HECW2: variants seen among roughly 807,000 people sequenced by gnomAD.
HECW2 encodes the protein E3 ubiquitin-protein ligase HECW2.
HECW2 carries 61 observed loss-of-function variants against 175.2 expected under a neutral mutation model. That is an observed-to-expected ratio of 0.35 (90% CI 0.28 to 0.43). The LOEUF is 0.43. Ranked by LOEUF, HECW2 falls within the 20% of genes least tolerant of loss-of-function variation. The probability of loss-of-function intolerance (pLI) is 1.00; values close to 1 mark genes in which losing one functional copy is unlikely to be tolerated. For missense variants in HECW2, 1,524 were observed against 2,000.5 expected (o/e 0.76, Z 4.54); for synonymous variants, 671 against 731.0 (o/e 0.92, Z 1.32).
At chr2:196,245,995 A>G (rs945181286) in intron 19 of HECW2, among the ~76,000 whole-genome samples, 3 of 152,226 alleles carry the variant, frequency 2.0e-5, no homozygotes, top group African/African-American at 7.2e-5. Context: ...AGATGATTCC[A>G]ATGTGTAATG....
At chr2:196,373,801 G>A (rs1693971171) in intron 2 of HECW2, among the ~76,000 whole-genome samples, 1 of 152,038 alleles carries the variant, frequency 6.6e-6, no homozygotes, top group Non-Finnish European at 1.5e-5. Flanking sequence ...GGGAAGCCGA[G>A]GCGGGCAGAT....
intron 13 of HECW2, among the ~76,000 whole-genome samples, chr2:196,303,523 A>G (rs959851204): frequency 6.6e-6 from 1 of 152,188 alleles, no homozygotes; most frequent in Non-Finnish European, 1.5e-5. Context: ...TTCAGCTGTC[A>G]ATCCATCTGA....
intron 13 of HECW2, among the ~76,000 whole-genome samples, chr2:196,301,045 C>T (rs1691031328): frequency 1.3e-5 from 2 of 151,298 alleles, no homozygotes; most frequent in South Asian, 4.2e-4. Flanking sequence ...CCACCCCCGA[C>T]AGGCACCAGT....
intron 1 of HECW2, among the ~76,000 whole-genome samples, chr2:196,482,942 C>G (rs1403159832): frequency 1.3e-5 from 2 of 152,136 alleles, no homozygotes; most frequent in Admixed American, 1.3e-4. Context: ...TGACACAACT[C>G]TAACATGCAA....
chr2:196,424,316 A>G (rs1346187595), intron 2 of HECW2, among the ~76,000 whole-genome samples: 1 of 152,064 alleles, frequency 6.6e-6, no homozygotes, highest in African/African-American at 2.4e-5. Flanking sequence ...ACAATATTGA[A>G]ATTAGGCCAA....
chr2:196,521,393 G>A (rs1187344488), intron 1 of HECW2, among the ~76,000 whole-genome samples: 6 of 150,068 alleles, frequency 4.0e-5, no homozygotes, highest in East Asian at 2.0e-4. Flanking sequence ...TAAAAAATTT[G>A]CTTCCCAATT....
At chr2:196,317,000 C>G in intron 10 of HECW2, 2 of 384,394 alleles carry the variant, frequency 5.2e-6, no homozygotes, top group Non-Finnish European at 9.6e-6. Flanking sequence ...CTATTATGCA[C>G]CCAATTTCCC....
chr2:196,281,239 G>A (rs964056929), intron 14 of HECW2, among the ~76,000 whole-genome samples: 1 of 35,266 alleles, frequency 2.8e-5, no homozygotes, highest in African/African-American at 6.4e-5. Flanking sequence ...TTTTAGGGCT[G>A]TGCCTGGGAG....
chr2:196,280,573 A>T (rs1039943686), intron 14 of HECW2, among the ~76,000 whole-genome samples: 1 of 152,222 alleles, frequency 6.6e-6, no homozygotes, highest in Non-Finnish European at 1.5e-5. Context: ...GTACAAAAAA[A>T]TAAAGGTTTT....
chr2:196,212,689 A>G (rs1687335372), intron 28 of HECW2, among the ~76,000 whole-genome samples: 1 of 152,150 alleles, frequency 6.6e-6, no homozygotes, highest in Non-Finnish European at 1.5e-5. Flanking sequence ...TGAATGATTT[A>G]TATTCTCTTG....
intron 26 of HECW2, among the ~76,000 whole-genome samples, chr2:196,219,770 A>C (rs970299765): frequency 2.0e-5 from 3 of 152,204 alleles, no homozygotes; most frequent in Non-Finnish European, 4.4e-5. Context: ...AAAGTAATTA[A>C]TTAGTGTTCT....
At chr2:196,233,071 G>T (rs1040720267) in intron 21 of HECW2, among the ~76,000 whole-genome samples, 2 of 152,194 alleles carry the variant, frequency 1.3e-5, no homozygotes, top group African/African-American at 4.8e-5. Context: ...GGTACATCAT[G>T]CCTTTGCTTC....
intron 24 of HECW2, among the ~76,000 whole-genome samples, chr2:196,221,345 CT>C (rs1421980137): frequency 6.6e-6 from 1 of 152,192 alleles, no homozygotes; most frequent in East Asian, 1.9e-4. Flanking sequence ...AAATTGAGAA[CT>C]TTTTCAAAAC....
rs767899851 is a variant in HECW2, at chr2:196,240,578, C to A, written c.3651-16G>T. On this transcript the variant is annotated splice_polypyrimidine_tract_variant and intron_variant, in intron 20 of 28. Coordinates refer to ENST00000644978, the MANE Select transcript of HECW2 (RefSeq NM_001348768.2). ...GATAATTAACCTGTCCATAAAGAGA[C>A]AATTTAGAAAATACAAATTATTACT... The A allele has an allele frequency of 2.2e-5, 34 of 1,566,492 alleles. No homozygotes were observed. The Admixed American group carries it at 4.2e-4, about 19-fold the overall frequency.
In HECW2 at chr2:196,222,268, A is replaced by G; in HGVS notation, c.4089T>C (p.Asn1363=). Reference sequence around the variant, plus strand: ...TGAGGTCTAGGATGTCATGGATATCATTGTCTTTCATCCACTGCAGGCTCT... The same window carrying G: ...TGAGGTCTAGGATGTCATGGATATCGTTGTCTTTCATCCACTGCAGGCTCT... The part of the protein sequence containing the change: ...FHQSLQWMKD[N]DIHDILDLTF... The change falls in exon 24 of 29, where the codon AAT becomes AAC. Residue 1363 remains asparagine (N), a synonymous_variant. Coordinates refer to ENST00000644978, the MANE Select transcript of HECW2 (RefSeq NM_001348768.2). 1 of 1,613,860 alleles carries G rather than the reference A, an allele frequency of 6.2e-7. No individual in the cohort carries two copies. The highest frequency in any genetic ancestry group is 8.5e-7 in the Non-Finnish European group (1 of 1,179,844).
chr2:196,523,090 T>C (rs1324105203), intron 1 of HECW2, among the ~76,000 whole-genome samples: 4 of 151,990 alleles, frequency 2.6e-5, no homozygotes, highest in Non-Finnish European at 5.9e-5. Flanking sequence ...TTTCACGATA[T>C]TGATTCTTCC....
At chr2:196,591,408 T>C (rs1187006046) in intron 1 of HECW2, among the ~76,000 whole-genome samples, 1 of 152,162 alleles carries the variant, frequency 6.6e-6, no homozygotes, top group African/African-American at 2.4e-5. Flanking sequence ...CAACTGATTT[T>C]CCCCCAGAAG....
intron 17 of HECW2, chr2:196,269,226 TG>T (rs1159047943): frequency 5.9e-5 from 9 of 152,208 alleles, no homozygotes; most frequent in Admixed American, 4.6e-4. Context: ...GACTCATGCC[TG>T]TAATCCCAGC....
intron 23 of HECW2, among the ~76,000 whole-genome samples, chr2:196,224,254 C>G (rs1372377310): frequency 6.6e-6 from 1 of 152,102 alleles, no homozygotes; most frequent in Non-Finnish European, 1.5e-5. Flanking sequence ...CGTAGGGAAA[C>G]TTGATGAGCT....
Sources: allele counts gnomAD v4.1 joint callset (sites outside exome capture counted in the v4.1 genomes callset), GRCh38; gene constraint gnomAD v4.1.1; transcripts MANE v1.5; gene names NCBI Gene and HGNC (gene_info 2026-07-23, HGNC 2026-07-21).